Variants in ZNF678 observed in about 807,000 individuals in gnomAD.
ZNF678 encodes hypothetical protein MGC42493.
Under a neutral mutation model 3.0 loss-of-function variants are expected in ZNF678, and 5 were observed. That is an observed-to-expected ratio of 1.69 (90% CI 0.88 to 3.56). The LOEUF is 3.56. Among genes scored for constraint, ZNF678 ranks in the 30% most tolerant of loss-of-function variants. The probability of loss-of-function intolerance (pLI) is 0.00; values close to 1 mark genes in which losing one functional copy is unlikely to be tolerated. For synonymous variants in ZNF678, 218 were observed against 199.6 expected (o/e 1.09, Z -0.78); for missense variants, 593 against 605.0 (o/e 0.98, Z 0.21).
chr1:227,663,870 T>C (rs543154209), downstream of ZNF678, among the ~76,000 whole-genome samples: 26 of 152,322 alleles, frequency 1.7e-4, no homozygotes, highest in Admixed American at 1.6e-3. Context: ...CTCTGATCCC[T>C]GTCTGCAAAG....
chr1:227,669,204 T>A (rs1437702211), intron 5 of ZNF678, among the ~76,000 whole-genome samples: 1 of 151,340 alleles, frequency 6.6e-6, no homozygotes, highest in Non-Finnish European at 1.5e-5. Flanking sequence ...TGTAAGAAAC[T>A]TAAGTCAACA....
At chr1:227,580,982 A>G (rs936195752) in intron 1 of ZNF678, among the ~76,000 whole-genome samples, 10 of 152,222 alleles carry the variant, frequency 6.6e-5, no homozygotes, top group African/African-American at 2.4e-4. Context: ...CAAGAGTGAT[A>G]CATTTAGAGT....
chr1:227,578,267 A>G (rs1241930182), intron 1 of ZNF678, among the ~76,000 whole-genome samples: 3 of 152,134 alleles, frequency 2.0e-5, no homozygotes, highest in African/African-American at 7.2e-5. Flanking sequence ...CATTTTTTGA[A>G]TTTGAATGTT....
chr1:227,639,213 A>G (rs1171354770), intron 1 of ZNF678, among the ~76,000 whole-genome samples: 1 of 152,174 alleles, frequency 6.6e-6, no homozygotes, highest in Non-Finnish European at 1.5e-5. Context: ...ATTGGCCTTC[A>G]TTGCCGCACT....
intron 1 of ZNF678, among the ~76,000 whole-genome samples, chr1:227,626,899 A>T (rs1658433168): frequency 1.3e-5 from 2 of 151,930 alleles, no homozygotes; most frequent in African/African-American, 4.8e-5. Flanking sequence ...GAATTATTTC[A>T]TGAATTAGTG....
At chr1:227,619,582 G>A (rs991459275) in intron 1 of ZNF678, among the ~76,000 whole-genome samples, 1 of 151,584 alleles carries the variant, frequency 6.6e-6, no homozygotes, top group Non-Finnish European at 1.5e-5. Flanking sequence ...CATGATCTCG[G>A]CTCACTGCAA....
intron 1 of ZNF678, among the ~76,000 whole-genome samples, chr1:227,631,786 G>T (rs180908510): frequency 2.0e-4 from 30 of 152,332 alleles, no homozygotes; most frequent in Admixed American, 6.5e-4. Context: ...TGGGCGCCAT[G>T]TTGTCCTTCC....
intron 1 of ZNF678, among the ~76,000 whole-genome samples, chr1:227,588,506 C>CTTCTTTTTT (rs1553267184): frequency 1.5e-5 from 2 of 135,918 alleles, no homozygotes; most frequent in East Asian, 4.3e-4. Context: ...GTTTTTTTTA[C>CTTCTTTTTT]TTTTTTTTTT....
In ZNF678 at chr1:227,563,613, G is replaced by C. The variant is rs1656587235; in HGVS notation, c.-275G>C. On this transcript the variant is annotated 5_prime_UTR_variant, in exon 1 of 4. Coordinates refer to ENST00000343776, the MANE Select transcript of ZNF678 (RefSeq NM_001367909.1). ...CCGTATTCTCGGCTATTTATCCCCA[G>C]CTGCGGGAGGCCCTGGTGACTCTGC... 8.6e-7 allele frequency: 1 copy of C among 1,162,236 alleles called. No individual in the cohort carries two copies. Among genetic ancestry groups the C allele is most frequent in the African/African-American group, 1.6e-5 (1 of 62,870 alleles). The allele number at this position is 1,162,236 out of a possible 1,614,324, so 72.0% of individuals were successfully genotyped here.
intron 1 of ZNF678, among the ~76,000 whole-genome samples, chr1:227,587,951 A>T (rs1657305037): frequency 6.6e-6 from 1 of 151,748 alleles, no homozygotes. Flanking sequence ...TAAGCCCAGC[A>T]TCCATTAGCT....
At chr1:227,613,350 T>C (rs1350244130) in intron 1 of ZNF678, among the ~76,000 whole-genome samples, 3 of 152,166 alleles carry the variant, frequency 2.0e-5, no homozygotes, top group African/African-American at 7.2e-5. Flanking sequence ...CGTTTTCCTC[T>C]TATTTATCCT....
At chr1:227,637,255 C>T (rs193064159) in intron 1 of ZNF678, among the ~76,000 whole-genome samples, 127 of 152,260 alleles carry the variant, frequency 8.3e-4, no homozygotes, top group Non-Finnish European at 1.3e-3. Context: ...TGTGTTTAGA[C>T]GGGAGCTGGT....
chr1:227,651,246 T>G (rs371712985), intron 3 of ZNF678, among the ~76,000 whole-genome samples, 170 bp downstream of exon 3: 153 of 152,300 alleles, frequency 1.0e-3, no homozygotes, highest in African/African-American at 3.6e-3. Flanking sequence ...GTCTTATTCC[T>G]TGGCCAACTG....
intron 1 of ZNF678, among the ~76,000 whole-genome samples, chr1:227,632,059 C>T (rs10799432): frequency 0.49 from 73,768 of 151,994 alleles, 19,054 homozygotes; most frequent in African/African-American, 0.67. Flanking sequence ...GAGTAGAGCA[C>T]CTTACACAAT....
At chr1:227,586,895 A>G (rs753209089) in intron 1 of ZNF678, among the ~76,000 whole-genome samples, 1 of 152,246 alleles carries the variant, frequency 6.6e-6, no homozygotes, top group Non-Finnish European at 1.5e-5. Flanking sequence ...ACTGTGGGGC[A>G]GGAATGTAAG....
intron 1 of ZNF678, among the ~76,000 whole-genome samples, chr1:227,632,147 C>G (rs1571900787): frequency 3.3e-5 from 5 of 152,246 alleles, no homozygotes; most frequent in Admixed American, 3.3e-4. Context: ...ACATAACTGC[C>G]TATGTCAAGA....
intron 1 of ZNF678, among the ~76,000 whole-genome samples, chr1:227,564,588 C>T (rs1571849283): frequency 6.6e-6 from 1 of 152,222 alleles, no homozygotes; most frequent in African/African-American, 2.4e-5. Context: ...TTCCAAAATT[C>T]ATAAAAACCA....
chr1:227,628,048 T>G (rs1362997547), intron 1 of ZNF678, among the ~76,000 whole-genome samples: 1 of 152,206 alleles, frequency 6.6e-6, no homozygotes, highest in Non-Finnish European at 1.5e-5. Flanking sequence ...TTTAAGCAAA[T>G]GGTTGTCTGA....
In ZNF678 at chr1:227,579,298, C is replaced by T. The variant is rs142298189; in HGVS notation, c.-164+15574C>T. 7.5e-3 allele frequency among the ~76,000 whole-genome samples: 1,137 copies of T among 152,118 alleles called. 6 individuals are homozygous for T. Among genetic ancestry groups the T allele is most frequent in the Non-Finnish European group, 0.012 (789 of 67,968 alleles). ...GCTGGAGGTGGTGTTGGCTTAGGGC[C>T]AGGGTGCTAGTGGTGCAGGTCTGGG... On this transcript the variant is annotated intron_variant, in intron 1 of 3. Transcript: ENST00000343776.
Sources: gnomAD v4.1 joint callset for allele counts (sites outside exome capture counted in the v4.1 genomes callset) on GRCh38, gnomAD v4.1.1 for gene constraint, MANE v1.5 for transcripts, NCBI Gene and HGNC (gene_info 2026-07-23, HGNC 2026-07-21) for gene names.